The following BIRC6 variants were observed in gnomAD, a reference collection of about 807,000 sequenced individuals.
BIRC6 encodes baculoviral IAP repeat containing 6, also known as dual E2 ubiquitin-conjugating enzyme/E3 ubiquitin-protein ligase BIRC6.
A neutral mutation model predicts 503.3 loss-of-function variants in BIRC6; 98 were observed. The observed-to-expected ratio is 0.19, with a 90% CI of 0.17 to 0.23. BIRC6 has a LOEUF of 0.23. Ranked by LOEUF, BIRC6 falls within the 10% of genes least tolerant of loss-of-function variation. The probability of loss-of-function intolerance (pLI) is 1.00; values close to 1 mark genes in which losing one functional copy is unlikely to be tolerated. For missense variants in BIRC6, 5,360 were observed against 5,806.0 expected, an observed-to-expected ratio of 0.92 and a Z score of 2.50; for synonymous variants, 2,240 against 2,078.7, an observed-to-expected ratio of 1.08 and a Z score of -2.11.
chr2:32,606,075 T>G (rs553274922), intron 71 of BIRC6, among the ~76,000 whole-genome samples: 1 of 152,274 alleles, frequency 6.6e-6, no homozygotes, highest in East Asian at 1.9e-4. Flanking sequence ...CCAACAAAAG[T>G]GTAATTGCTG....
At chr2:32,454,041 A>C in intron 23 of BIRC6, 99 bp downstream of exon 23, 1 of 1,041,294 alleles carries the variant, frequency 9.6e-7, no homozygotes, top group Non-Finnish European at 1.3e-6. Flanking sequence ...TGTAATTTTC[A>C]TTGCTGTTAA....
intron 19 of BIRC6, among the ~76,000 whole-genome samples, chr2:32,442,829 T>G (rs1172735239): frequency 2.0e-5 from 3 of 152,176 alleles, no homozygotes; most frequent in Non-Finnish European, 4.4e-5. Context: ...TTTGTAGCAT[T>G]GTGCAGACCC....
chr2:32,497,660 C>G (rs935778292), intron 45 of BIRC6, among the ~76,000 whole-genome samples: 3 of 152,072 alleles, frequency 2.0e-5, no homozygotes, highest in African/African-American at 7.2e-5. Context: ...TTTATAGGAT[C>G]TATAAGTTTC....
chr2:32,410,654 A>G (rs193047453), intron 9 of BIRC6, among the ~76,000 whole-genome samples: 58 of 152,202 alleles, frequency 3.8e-4, no homozygotes, highest in Admixed American at 9.2e-4. Flanking sequence ...GAGTTACCCT[A>G]AGTGGTTCTT....
chr2:32,440,710 A>T (rs1166503997), intron 16 of BIRC6, among the ~76,000 whole-genome samples: 2 of 150,556 alleles, frequency 1.3e-5, no homozygotes, highest in Non-Finnish European at 3.0e-5. Flanking sequence ...GGGGAGCCTG[A>T]CATATCTCAC....
At chr2:32,361,466 A>T (rs1318088188) in intron 1 of BIRC6, among the ~76,000 whole-genome samples, 1 of 152,018 alleles carries the variant, frequency 6.6e-6, no homozygotes, top group Non-Finnish European at 1.5e-5. Flanking sequence ...CCTCCCACCC[A>T]TCAGTATTCT....
At chr2:32,551,370 C>T (rs1481642557) in intron 65 of BIRC6, among the ~76,000 whole-genome samples, 1 of 152,146 alleles carries the variant, frequency 6.6e-6, no homozygotes, top group African/African-American at 2.4e-5. Context: ...GCAACCTCCA[C>T]CTCTCAGGTT....
intron 65 of BIRC6, among the ~76,000 whole-genome samples, chr2:32,574,271 G>A (rs1290478862): frequency 2.0e-5 from 3 of 148,476 alleles, no homozygotes; most frequent in South Asian, 2.1e-4. Context: ...GCGCCACCAC[G>A]CCCAGCTAAT....
At chr2:32,574,479 C>CAATTAA (rs1225994531) in intron 65 of BIRC6, 1 of 152,296 alleles carries the variant, frequency 6.6e-6, no homozygotes, top group Non-Finnish European at 1.5e-5. Context: ...TGACTGGAAG[C>CAATTAA]CTTACTGATA....
chr2:32,410,136 G>A (rs1264902161), intron 9 of BIRC6, among the ~76,000 whole-genome samples: 1 of 151,852 alleles, frequency 6.6e-6, no homozygotes, highest in Non-Finnish European at 1.5e-5. Flanking sequence ...GTTTTTTCTT[G>A]GCAGTTTCCT....
intron 66 of BIRC6, among the ~76,000 whole-genome samples, chr2:32,575,765 A>C (rs76171219): frequency 1.4e-5 from 2 of 145,330 alleles, no homozygotes; most frequent in Non-Finnish European, 3.0e-5. Context: ...ACTCCGTCTC[A>C]AAAAAAAAAA....
chr2:32,369,891 G>C lies in BIRC6; in HGVS notation c.326-7697G>C, dbSNP rs533863367. ...AGATTGCTTGAGACCAGGAGTTCCA[G>C]GTTAGCCTGGGCAACATAGTGAGAC... On this transcript the variant is annotated intron_variant, in intron 1 of 73. Coordinates refer to ENST00000421745, the MANE Select transcript of BIRC6 (RefSeq NM_016252.4). 9.2e-5 allele frequency among the ~76,000 whole-genome samples: 12 copies of C among 130,638 alleles called. No individual in the cohort carries two copies. In the East Asian group the frequency reaches 2.9e-3, roughly 31 times the overall value. 85.7% of individuals were successfully genotyped at this position (130,638 alleles called of 152,430 possible).
At chr2:32,495,090 T>C (rs2052283434) in intron 45 of BIRC6, among the ~76,000 whole-genome samples, 1 of 152,244 alleles carries the variant, frequency 6.6e-6, no homozygotes, top group African/African-American at 2.4e-5. Flanking sequence ...TTATTTTTCT[T>C]TTAACTAGGC....
chr2:32,467,839 A>T, intron 27 of BIRC6, 64 bp from the exon 28 acceptor site: 1 of 1,457,510 alleles, frequency 6.9e-7, no homozygotes, highest in Non-Finnish European at 9.3e-7. Context: ...CTTTTTAAAT[A>T]CATTGCTCAG....
At chr2:32,412,657 A>ATT (rs911294806) in intron 9 of BIRC6, among the ~76,000 whole-genome samples, 1 of 148,222 alleles carries the variant, frequency 6.7e-6, no homozygotes, top group Non-Finnish European at 1.5e-5. Flanking sequence ...CTTCCTAGTT[A>ATT]TTTTTTTTTT....
At chr2:32,462,698 T>A (rs763563874) in intron 23 of BIRC6, among the ~76,000 whole-genome samples, 4 of 152,240 alleles carry the variant, frequency 2.6e-5, no homozygotes, top group Non-Finnish European at 5.9e-5. Flanking sequence ...GGCTCACACC[T>A]GTAATCCCAG....
At chr2:32,562,046 A>C (rs1238994812) in intron 65 of BIRC6, among the ~76,000 whole-genome samples, 1 of 152,156 alleles carries the variant, frequency 6.6e-6, no homozygotes, top group Non-Finnish European at 1.5e-5. Context: ...CAACTTAAAA[A>C]AAAATAAAAT....
At chr2:32,440,276 A>G (rs977178942) in intron 16 of BIRC6, among the ~76,000 whole-genome samples, 2 of 152,130 alleles carry the variant, frequency 1.3e-5, no homozygotes, top group Non-Finnish European at 2.9e-5. Flanking sequence ...TTAGACCATA[A>G]TATTTATTTC....
intron 6 of BIRC6, 40 bp downstream of exon 6, chr2:32,395,633 T>C (rs751509414): frequency 2.0e-6 from 3 of 1,497,774 alleles, no homozygotes; most frequent in East Asian, 4.5e-5. Flanking sequence ...GCTAAGTCAG[T>C]CGTGTAAATA....
Sources: gnomAD v4.1 joint callset for allele counts (sites outside exome capture counted in the v4.1 genomes callset) on GRCh38, gnomAD v4.1.1 for gene constraint, MANE v1.5 for transcripts, NCBI Gene and HGNC (gene_info 2026-07-23, HGNC 2026-07-21) for gene names.